LYRM1: variants seen among roughly 807,000 people sequenced by gnomAD.
LYRM1 encodes the protein LYR motif-containing protein 1.
A neutral mutation model predicts 14.9 loss-of-function variants in LYRM1; 14 were observed. The ratio of observed to expected loss-of-function variants is 0.94; its 90% CI spans 0.62 to 1.47. The LOEUF (loss-of-function observed/expected upper bound fraction) is 1.47, where lower values mean the gene tolerates loss of function less well. Among genes scored for constraint, LYRM1 ranks in the 40% most tolerant of loss-of-function variants. LYRM1 has a pLI of 0.00. For missense variants in LYRM1, 153 were observed against 149.9 expected, an observed-to-expected ratio of 1.02 and a Z score of -0.11; for synonymous variants, 43 against 56.2, an observed-to-expected ratio of 0.77 and a Z score of 1.05.
intron 1 of LYRM1, among the ~76,000 whole-genome samples, chr16:20,905,956 A>G (rs2082299009): frequency 6.6e-6 from 1 of 152,224 alleles, no homozygotes; most frequent in South Asian, 2.1e-4. Flanking sequence ...CAGGATGAGA[A>G]CATACGTTAT....
At chr16:20,914,758 C>T (rs1269998674) in intron 1 of LYRM1, among the ~76,000 whole-genome samples, 1 of 152,142 alleles carries the variant, frequency 6.6e-6, no homozygotes, top group African/African-American at 2.4e-5. Flanking sequence ...GGCAACTGTT[C>T]CCTTTCAAGG....
rs908015950 is a variant in LYRM1 at position 20,924,467 on chromosome 16, G to C, written c.*351G>C. ...ATGCAAAGAAATTTGCCAGTCACTG[G>C]AAGTTACTGTGGCTACTATAAAACT... On this transcript the variant is annotated 3_prime_UTR_variant, in exon 4 of 4. Coordinates refer to ENST00000567954, the MANE Select transcript of LYRM1 (RefSeq NM_001128302.3). 1 of 168,824 alleles carries C rather than the reference G, an allele frequency of 5.9e-6. No homozygotes were observed. The highest frequency in any genetic ancestry group is 2.4e-5 in the African/African-American group (1 of 41,854). 10.5% of individuals were successfully genotyped at this position (168,824 alleles called of 1,614,324 possible).
upstream of LYRM1, chr16:20,900,633 A>AT: frequency 6.6e-6 from 1 of 152,404 alleles, no homozygotes; most frequent in East Asian, 1.9e-4. Flanking sequence ...GAAAGCGTAA[A>AT]GGAAAAATAG....
At chr16:20,908,142 G>A (rs2082414584) in intron 1 of LYRM1, among the ~76,000 whole-genome samples, 1 of 152,188 alleles carries the variant, frequency 6.6e-6, no homozygotes, top group Admixed American at 6.5e-5. Flanking sequence ...GGGTTGCCAC[G>A]GGGAATGGAA....
intron 1 of LYRM1, among the ~76,000 whole-genome samples, chr16:20,913,019 T>C (rs1280495937): frequency 1.3e-5 from 2 of 151,558 alleles, no homozygotes; most frequent in Non-Finnish European, 2.9e-5. Context: ...TGAGCCGAGA[T>C]TGCGCCATTG....
At chr16:20,907,549 A>T (rs1162611023) in intron 1 of LYRM1, among the ~76,000 whole-genome samples, 1 of 151,236 alleles carries the variant, frequency 6.6e-6, no homozygotes, top group Non-Finnish European at 1.5e-5. Context: ...TTCAATGGAG[A>T]TGGGATCTCC....
chr16:20,910,647 G>A (rs898414831), intron 1 of LYRM1, among the ~76,000 whole-genome samples: 7 of 152,160 alleles, frequency 4.6e-5, no homozygotes, highest in African/African-American at 1.7e-4. Flanking sequence ...TGTGGCGCAC[G>A]CCTGAGGTCC....
chr16:20,908,068 A>G (rs1042970114), intron 1 of LYRM1, among the ~76,000 whole-genome samples: 2 of 152,198 alleles, frequency 1.3e-5, no homozygotes, highest in Non-Finnish European at 2.9e-5. Context: ...ACCAGGTAGT[A>G]GCACTGTAGT....
intron 1 of LYRM1, among the ~76,000 whole-genome samples, chr16:20,914,493 G>A (rs1306417386): frequency 1.4e-5 from 2 of 147,104 alleles, no homozygotes; most frequent in African/African-American, 5.1e-5. Flanking sequence ...GTAGAGACAA[G>A]GTTTCACCAT....
At chr16:20,909,114 A>T (rs1332322027) in intron 1 of LYRM1, among the ~76,000 whole-genome samples, 1 of 152,154 alleles carries the variant, frequency 6.6e-6, no homozygotes, top group Admixed American at 6.5e-5. Flanking sequence ...GCATTAGGGG[A>T]CACATCTCTT....
chr16:20,909,152 G>A (rs1389171641), intron 1 of LYRM1, among the ~76,000 whole-genome samples: 3 of 152,148 alleles, frequency 2.0e-5, no homozygotes, highest in Non-Finnish European at 4.4e-5. Context: ...ACAACACACT[G>A]GCAGCAACAT....
At position 20,924,499 on chromosome 16, in the gene LYRM1, C is replaced by G. The variant is rs184779769; in HGVS notation, c.*383C>G. ...CTGTGGCTACTATAAAACTATGTAC[C>G]ACTCTCAGAATATTCTTAGGCTTTT... On this transcript the variant is annotated 3_prime_UTR_variant, in exon 4 of 4. Coordinates refer to ENST00000567954, the MANE Select transcript of LYRM1 (RefSeq NM_001128302.3). The G allele has an allele frequency of 6.4e-6, 1 of 156,222 alleles. No individual in the cohort carries two copies. Among genetic ancestry groups the G allele is most frequent in the East Asian group, 1.9e-4 (1 of 5,344 alleles). 9.7% of individuals were successfully genotyped at this position (156,222 alleles called of 1,614,324 possible). A position where few individuals can be genotyped will look rare whatever the true frequency, so the allele number is the denominator to read the frequency against.
chr16:20,920,070 A>G (rs1208227371), intron 2 of LYRM1, 52 bp from the exon 3 acceptor site: 9 of 1,264,672 alleles, frequency 7.1e-6, no homozygotes, highest in Admixed American at 1.8e-5. Context: ...CCTATACTCT[A>G]TGTACCATTA....
At chr16:20,900,431 C>A (rs961879177), upstream of LYRM1, 1 of 152,146 alleles carries the variant, frequency 6.6e-6, no homozygotes. Context: ...TTCCGGTAAC[C>A]CCGCCGGCCG....
At chr16:20,911,070 T>C (rs1211224778) in intron 1 of LYRM1, 1 of 152,212 alleles carries the variant, frequency 6.6e-6, no homozygotes, top group Non-Finnish European at 1.5e-5. Flanking sequence ...CCACAAAGCA[T>C]GATGTTCTCT....
At chr16:20,913,123 A>C (rs2082686720) in intron 1 of LYRM1, among the ~76,000 whole-genome samples, 1 of 150,890 alleles carries the variant, frequency 6.6e-6, no homozygotes, top group Non-Finnish European at 1.5e-5. Flanking sequence ...AAAACTTGCA[A>C]AGCAATACTA....
At chr16:20,923,432 G>A (rs2083297753) in intron 3 of LYRM1, among the ~76,000 whole-genome samples, 1 of 149,680 alleles carries the variant, frequency 6.7e-6, no homozygotes, top group South Asian at 2.1e-4. Context: ...CTGGGAGGCC[G>A]AGGTTGCAGT....
chr16:20,914,752 A>G (rs188331292), intron 1 of LYRM1, among the ~76,000 whole-genome samples: 3 of 152,244 alleles, frequency 2.0e-5, no homozygotes, highest in Admixed American at 6.5e-5. Context: ...CTGAATGGCA[A>G]CTGTTCCCTT....
chr16:20,902,667 T>C (rs1596674066), intron 1 of LYRM1: 2 of 152,328 alleles, frequency 1.3e-5, no homozygotes, highest in Middle Eastern at 6.8e-3. Flanking sequence ...GGCTCAAATC[T>C]CTTCCCTCCC....
Sources: allele counts gnomAD v4.1 joint callset (sites outside exome capture counted in the v4.1 genomes callset), GRCh38; gene constraint gnomAD v4.1.1; transcripts MANE v1.5; gene names NCBI Gene and HGNC (gene_info 2026-07-23, HGNC 2026-07-21).